Variants in KCNA3 observed in about 807,000 individuals in gnomAD.
KCNA3 encodes the protein potassium voltage-gated channel subfamily A member 3, also known as RP11-284N8.3.
Under a neutral mutation model 34.3 loss-of-function variants are expected in KCNA3, and 18 were observed. The ratio of observed to expected loss-of-function variants is 0.52; its 90% CI spans 0.36 to 0.78. KCNA3 has a LOEUF of 0.78. KCNA3 is among the 30% of genes least tolerant of loss of function. KCNA3 has a pLI of 0.00. For missense variants in KCNA3, 587 were observed against 802.5 expected (o/e 0.73, Z 3.24); for synonymous variants, 324 against 351.7 (o/e 0.92, Z 0.88).
the KCNA3 span, among the ~76,000 whole-genome samples, chr1:110,659,924 TGGGGGGTG>T: frequency 1.2e-4 from 3 of 25,882 alleles, no homozygotes; most frequent in African/African-American, 4.7e-4. Context: ...ATCTGCCTGT[TGGGGGGTG>T]GGGGGCTGGG....
At chr1:110,665,253 C>T in the KCNA3 span, among the ~76,000 whole-genome samples, 12 of 152,240 alleles carry the variant, frequency 7.9e-5, no homozygotes, top group Admixed American at 3.3e-4. Flanking sequence ...GAGGACCAAT[C>T]GGGAGGCTAC....
At chr1:110,659,354 T>C in the KCNA3 span, among the ~76,000 whole-genome samples, 1 of 152,230 alleles carries the variant, frequency 6.6e-6, no homozygotes, top group Non-Finnish European at 1.5e-5. Context: ...GTCTTTTATA[T>C]GCACGCATTA....
chr1:110,673,960 A>C lies in KCNA3; in HGVS notation c.850T>G (p.Ser284Ala), dbSNP rs1270288086. The change falls in exon 1 of 1, where the codon TCC becomes GCC. Residue 284 changes from serine (S) to alanine (A), a missense_variant. Ser to Ala is a moderately conservative substitution (Grantham distance 99). This residue lies in a region of KCNA3 where 50 missense variants were observed against 45.3 expected (regional missense o/e 1.10). Transcript: ENST00000369769. This position sits in a 1 kb window ranked among gnomAD's most constrained non-coding sequence, Gnocchi z 8.8. ...GAGAAGCTGGAGGCTCCTGCGCGGG[A>C]CCCCGACGTGCTGTTGCCGGCTGCT... ...FEAAGNSTSG[S>A]RAGASSFSDP... 1.2e-6 allele frequency: 2 copies of C among 1,613,582 alleles called. No individual in the cohort carries two copies. Among genetic ancestry groups the C allele is most frequent in the African/African-American group, 1.3e-5 (1 of 74,808 alleles).
chr1:110,659,089 C>T, the KCNA3 span, among the ~76,000 whole-genome samples: 2 of 151,728 alleles, frequency 1.3e-5, no homozygotes, highest in Non-Finnish European at 2.9e-5. Flanking sequence ...GTACAAAACA[C>T]ACCTTCACAA....
the KCNA3 span, among the ~76,000 whole-genome samples, chr1:110,660,591 T>A: frequency 6.6e-6 from 1 of 152,146 alleles, no homozygotes; most frequent in Admixed American, 6.5e-5. Context: ...GACATTCCTA[T>A]CATTTATCTC....
rs773867332 is a variant in KCNA3, at chr1:110,674,676, G to A, written c.134C>T (p.Ala45Val). The change falls in exon 1 of 1, where the codon GCA becomes GTA. Residue 45 changes from alanine to valine, a missense_variant. By Grantham distance (64) the Ala-to-Val change is moderately conservative (BLOSUM62 0). This residue lies in a region of KCNA3 where 341 missense variants were observed against 355.4 expected (regional missense o/e 0.96). Coordinates refer to ENST00000369769, the MANE Select transcript of KCNA3 (RefSeq NM_002232.5). This position sits in a 1 kb window ranked among gnomAD's most constrained non-coding sequence, Gnocchi z 6.4. ...LVNHGYAEPA[A>V]GRELPPDMTV... ...CATGTCGGGCGGCAGCTCGCGGCCT[G>A]CGGCGGGCTCCGCGTAGCCGTGGTT... 5 of 1,508,824 alleles carry A rather than the reference G, an allele frequency of 3.3e-6. No individual in the cohort carries two copies. In the East Asian group the frequency reaches 1.3e-4, roughly 41 times the overall value. 93.5% of individuals were successfully genotyped at this position (1,508,824 alleles called of 1,614,324 possible).
Position 110,673,516 on chromosome 1 carries a change from G to A in KCNA3, c.1294C>T (p.Pro432Ser). The change falls in exon 1 of 1, where the codon CCG (proline) becomes TCG (serine). Residue 432 changes from proline (P) to serine (S), a missense_variant. This residue lies in a region of KCNA3 where 84 missense variants were observed against 223.1 expected (regional missense o/e 0.38). Coordinates refer to ENST00000369769, the MANE Select transcript of KCNA3 (RefSeq NM_002232.5). The surrounding 1 kb of genome is among the most constrained non-coding windows in gnomAD (Gnocchi z 8.8). ...DDPTSGFSSIPDAFWWAVVTM... is the reference protein window; with the variant it reads ...DDPTSGFSSISDAFWWAVVTM... ...ACCACTGCCCACCAGAAGGCATCCG[G>A]GATGCTGCTGAAACCTGAAGTGGGG... is the stretch of plus-strand genomic sequence containing the variant. The A allele has an allele frequency of 6.2e-7, 1 of 1,614,148 alleles. No homozygotes were observed. Among genetic ancestry groups the A allele is most frequent in the Non-Finnish European group, 8.5e-7 (1 of 1,180,026 alleles).
chr1:110,661,017 A>G, the KCNA3 span, among the ~76,000 whole-genome samples: 3 of 152,346 alleles, frequency 2.0e-5, no homozygotes, highest in African/African-American at 7.2e-5. Flanking sequence ...AAATTTACTA[A>G]CTATATAATA....
chr1:110,671,445 G>T (rs750764190), downstream of KCNA3, among the ~76,000 whole-genome samples: 16 of 152,192 alleles, frequency 1.1e-4, no homozygotes, highest in Admixed American at 2.0e-4. Context: ...TAACAAAAGG[G>T]ACTGCTCCCA....
At chr1:110,654,323 C>T in the KCNA3 span, 5 of 152,122 alleles carry the variant, frequency 3.3e-5, no homozygotes, top group Non-Finnish European at 7.4e-5. Context: ...TCTCCCCAGT[C>T]CCTCTTCTCT....
At chr1:110,666,721 G>A in the KCNA3 span, among the ~76,000 whole-genome samples, 2 of 152,198 alleles carry the variant, frequency 1.3e-5, no homozygotes, top group African/African-American at 4.8e-5. Flanking sequence ...GGATAGAGAT[G>A]ACAGTGTGGA....
chr1:110,658,548 T>A, the KCNA3 span, among the ~76,000 whole-genome samples: 55 of 152,274 alleles, frequency 3.6e-4, no homozygotes, highest in African/African-American at 1.3e-3. Flanking sequence ...AGAAGTGAAA[T>A]GTCCCCAAAT....
chr1:110,668,095 G>A (rs767396174), downstream of KCNA3, among the ~76,000 whole-genome samples: 10 of 151,970 alleles, frequency 6.6e-5, no homozygotes, highest in South Asian at 2.1e-4. Context: ...AAACCCATAC[G>A]GAATAGTACA....
At chr1:110,672,229 C>T (rs547301763), downstream of KCNA3, among the ~76,000 whole-genome samples, 2 of 152,252 alleles carry the variant, frequency 1.3e-5, no homozygotes, top group East Asian at 1.9e-4. Flanking sequence ...TAGTAACTTC[C>T]GCTGGAAGGG....
chr1:110,670,175 C>A (rs773503471), downstream of KCNA3, among the ~76,000 whole-genome samples: 2 of 152,044 alleles, frequency 1.3e-5, no homozygotes, highest in Non-Finnish European at 2.9e-5. Context: ...TTATTAAAAG[C>A]CTGGAAATAA....
chr1:110,655,083 ATAACG>A, the KCNA3 span: 1 of 152,096 alleles, frequency 6.6e-6, no homozygotes, highest in Non-Finnish European at 1.5e-5. Context: ...ATAGATTCTT[ATAACG>A]TGTAGCATGT....
At chr1:110,666,562 A>G in the KCNA3 span, among the ~76,000 whole-genome samples, 3 of 152,224 alleles carry the variant, frequency 2.0e-5, no homozygotes, top group African/African-American at 7.2e-5. Flanking sequence ...CCTAAAAACA[A>G]GAAGACCCTG....
chr1:110,654,519 T>C, the KCNA3 span: 3 of 152,144 alleles, frequency 2.0e-5, no homozygotes, highest in African/African-American at 7.2e-5. Context: ...GAAATGTCAG[T>C]CAAGAAGATC....
chr1:110,665,888 G>A, the KCNA3 span, among the ~76,000 whole-genome samples: 1 of 152,184 alleles, frequency 6.6e-6, no homozygotes, highest in Non-Finnish European at 1.5e-5. Flanking sequence ...ATCGTTATAT[G>A]AGGTTACCAG....
Sources: gnomAD v4.1 joint callset for allele counts (sites outside exome capture counted in the v4.1 genomes callset) on GRCh38, gnomAD v4.1.1 for gene constraint, gnomAD v4.1.1 regional missense constraint, Gnocchi (gnomAD v3.1) non-coding constraint, MANE v1.5 for transcripts, NCBI Gene and HGNC (gene_info 2026-07-23, HGNC 2026-07-21) for gene names.